Variants in TAFA5 observed in about 807,000 individuals in gnomAD.
TAFA5 encodes chemokine-like protein TAFA-5.
A neutral mutation model predicts 15.3 loss-of-function variants in TAFA5; 6 were observed. That is an observed-to-expected ratio of 0.39 (90% confidence interval 0.21 to 0.77). The LOEUF (loss-of-function observed/expected upper bound fraction) is 0.77. TAFA5 is among the 30% of genes least tolerant of loss of function. The pLI is 0.41. For synonymous variants in TAFA5, 103 were observed against 80.7 expected, an observed-to-expected ratio of 1.28 and a Z score of -1.48; for missense variants, 161 against 193.1, an observed-to-expected ratio of 0.83 and a Z score of 0.98.
At chr22:48,702,978 C>T (rs1463026987) in intron 2 of TAFA5, among the ~76,000 whole-genome samples, 2 of 152,252 alleles carry the variant, frequency 1.3e-5, no homozygotes, top group Non-Finnish European at 2.9e-5. Context: ...CTGCTGCCTG[C>T]TTGTCCCTTT....
chr22:48,697,147 A>G lies in TAFA5; in HGVS notation c.263-10570A>G, dbSNP rs1003092096. Among the ~76,000 whole-genome samples the G allele has an allele frequency of 2.0e-5, 3 of 152,222 alleles. No individual in the cohort carries two copies. The East Asian group carries it at 5.8e-4, about 29-fold the overall frequency. ...ACCTGGACTGGAAAGAAGACAGGCC[A>G]CTGGGGTGCAGTTAGGGCTTGCTTT... is the stretch of plus-strand genomic sequence containing the variant. On this transcript the variant is annotated intron_variant, in intron 2 of 3. Coordinates refer to ENST00000402357, the MANE Select transcript of TAFA5 (RefSeq NM_001082967.3).
At chr22:48,685,461 T>G (rs1928323726) in intron 2 of TAFA5, among the ~76,000 whole-genome samples, 1 of 152,246 alleles carries the variant, frequency 6.6e-6, no homozygotes, top group Admixed American at 6.5e-5. Context: ...GTAAAATATT[T>G]TGATTTCCTT....
chr22:48,500,959 T>A (rs1281085149), intron 1 of TAFA5, among the ~76,000 whole-genome samples: 3 of 152,016 alleles, frequency 2.0e-5, no homozygotes, highest in Non-Finnish European at 2.9e-5. Flanking sequence ...AGCCTCAAGG[T>A]CATCTCCCGC....
intron 2 of TAFA5, among the ~76,000 whole-genome samples, chr22:48,678,023 C>A (rs970442415): frequency 6.6e-6 from 1 of 152,162 alleles, no homozygotes; most frequent in Non-Finnish European, 1.5e-5. Context: ...CTTCCAGGCC[C>A]CTGGGGCTCC....
intron 2 of TAFA5, among the ~76,000 whole-genome samples, chr22:48,658,736 T>C (rs1267889318): frequency 1.3e-5 from 2 of 152,344 alleles, no homozygotes; most frequent in East Asian, 3.9e-4. Flanking sequence ...GTCTCTCTTC[T>C]GTCCTGGAAA....
chr22:48,710,163 G>T (rs1206771556), intron 3 of TAFA5, among the ~76,000 whole-genome samples: 1 of 152,110 alleles, frequency 6.6e-6, no homozygotes, highest in Non-Finnish European at 1.5e-5. Flanking sequence ...AGCCGCTCCT[G>T]CCCAGGGTTA....
In TAFA5 at chr22:48,541,740, G is replaced by A. The variant is rs890878473; in HGVS notation, c.112+52036G>A. On this transcript the variant is annotated intron_variant, in intron 1 of 3. Coordinates refer to ENST00000402357, the MANE Select transcript of TAFA5 (RefSeq NM_001082967.3). Reference sequence around the variant, plus strand: ...CTCTGGGCTCAAGTCCTTCTTCAAGGTGGGACTGCTGGGAGGCCTTGACCT... The same window carrying A: ...CTCTGGGCTCAAGTCCTTCTTCAAGATGGGACTGCTGGGAGGCCTTGACCT... Among the ~76,000 whole-genome samples, 3 of 152,226 alleles carry A rather than the reference G, an allele frequency of 2.0e-5. No individual in the cohort carries two copies. In the South Asian group the frequency reaches 6.2e-4, roughly 31 times the overall value.
At chr22:48,716,008 C>A (rs1043616368) in intron 3 of TAFA5, among the ~76,000 whole-genome samples, 4 of 152,188 alleles carry the variant, frequency 2.6e-5, no homozygotes, top group Admixed American at 6.5e-5. Context: ...ACAGGGAATC[C>A]TTTCCCATTG....
At chr22:48,534,178 G>A (rs1215102482) in intron 1 of TAFA5, among the ~76,000 whole-genome samples, 1 of 145,852 alleles carries the variant, frequency 6.9e-6, no homozygotes, top group Non-Finnish European at 1.5e-5. Flanking sequence ...GGCAGGTGAG[G>A]TGGGTCAAGC....
At chr22:48,511,537 AG>A (rs1433768650) in intron 1 of TAFA5, among the ~76,000 whole-genome samples, 1 of 152,222 alleles carries the variant, frequency 6.6e-6, no homozygotes, top group African/African-American at 2.4e-5. Context: ...GCCATTTCTC[AG>A]TTTCCATTGC....
chr22:48,561,881 C>T (rs567344959), intron 1 of TAFA5, among the ~76,000 whole-genome samples: 1 of 152,340 alleles, frequency 6.6e-6, no homozygotes, highest in South Asian at 2.1e-4. Flanking sequence ...TGCACAGTGA[C>T]GCGGGATCAG....
At position 48,530,396 on chromosome 22, in the gene TAFA5, G is replaced by A. The variant is rs971390155; in HGVS notation, c.112+40692G>A. On this transcript the variant is annotated intron_variant, in intron 1 of 3. Coordinates refer to ENST00000402357, the MANE Select transcript of TAFA5 (RefSeq NM_001082967.3). The surrounding 1 kb of genome is among the most constrained non-coding windows in gnomAD (Gnocchi z 6.0). ...CTGGAGCCCAGAGAAGGAATGCACC[G>A]GGCACTGTCGTGGGGCCGGCATTCA... is the stretch of plus-strand genomic sequence containing the variant. Among the ~76,000 whole-genome samples the A allele has an allele frequency of 3.3e-5, 5 of 152,168 alleles. No homozygotes were observed. The highest frequency in any genetic ancestry group is 5.9e-5 in the Non-Finnish European group (4 of 68,032).
chr22:48,701,091 G>A (rs992397819), intron 2 of TAFA5, among the ~76,000 whole-genome samples: 2 of 152,136 alleles, frequency 1.3e-5, no homozygotes, highest in African/African-American at 4.8e-5. Context: ...TGGTACAATG[G>A]ATGTGTATTT....
chr22:48,582,980 A>G (rs1004462086), intron 1 of TAFA5, among the ~76,000 whole-genome samples: 7 of 137,808 alleles, frequency 5.1e-5, no homozygotes, highest in African/African-American at 1.8e-4. Flanking sequence ...CACACAAAAT[A>G]CACCACACAC....
At chr22:48,691,076 G>A (rs1339386919) in intron 2 of TAFA5, among the ~76,000 whole-genome samples, 1 of 152,224 alleles carries the variant, frequency 6.6e-6, no homozygotes, top group East Asian at 1.9e-4. Context: ...GAAGCACGAA[G>A]CCAGTCCCTG....
At chr22:48,493,068 G>A (rs921624185) in intron 1 of TAFA5, among the ~76,000 whole-genome samples, 1 of 152,190 alleles carries the variant, frequency 6.6e-6, no homozygotes, top group Non-Finnish European at 1.5e-5. Flanking sequence ...TAGAACAGCA[G>A]CAAGGGAGAG....
intron 2 of TAFA5, among the ~76,000 whole-genome samples, chr22:48,705,078 C>T (rs1929037022): frequency 6.6e-6 from 1 of 152,146 alleles, no homozygotes; most frequent in Admixed American, 6.5e-5. Flanking sequence ...CACTCATGGC[C>T]TCATCTAACC....
At chr22:48,604,063 C>T (rs1925070496) in intron 1 of TAFA5, among the ~76,000 whole-genome samples, 1 of 152,204 alleles carries the variant, frequency 6.6e-6, no homozygotes, top group East Asian at 1.9e-4. Flanking sequence ...GTGTGTGTCT[C>T]ATTCACTCCA....
chr22:48,593,681 A>C (rs1312058436), intron 1 of TAFA5, among the ~76,000 whole-genome samples: 1 of 152,162 alleles, frequency 6.6e-6, no homozygotes, highest in Admixed American at 6.5e-5. Context: ...GCTCGGGTGC[A>C]GTGAACTCTG....
Sources: gnomAD v4.1 joint callset for allele counts (sites outside exome capture counted in the v4.1 genomes callset) on GRCh38, gnomAD v4.1.1 for gene constraint, Gnocchi (gnomAD v3.1) non-coding constraint, MANE v1.5 for transcripts, NCBI Gene and HGNC (gene_info 2026-07-23, HGNC 2026-07-21) for gene names.